Variants in RBL2 observed in about 807,000 individuals in gnomAD.
RBL2 encodes RB transcriptional corepressor like 2, also known as retinoblastoma-like protein 2.
RBL2 carries 56 observed loss-of-function variants against 126.0 expected under a neutral mutation model. That is an observed-to-expected ratio of 0.44 (90% CI 0.36 to 0.56). RBL2 has a LOEUF of 0.56. Among genes scored for constraint, RBL2 ranks in the 20% least tolerant of loss-of-function variants. RBL2 has a pLI of 0.00. For missense variants in RBL2, 1,229 were observed against 1,398.2 expected, an observed-to-expected ratio of 0.88 and a Z score of 1.93; for synonymous variants, 454 against 478.5, an observed-to-expected ratio of 0.95 and a Z score of 0.67.
rs1287967164 is a variant in RBL2 at position 53,453,700 on chromosome 16, C to A, written c.928-5C>A. On this transcript the variant is annotated splice_polypyrimidine_tract_variant and splice_region_variant and intron_variant, in intron 6 of 21. Transcript: ENST00000262133. ...ACGACTTAAGGATCTCTTCTTTCAT[C>A]ATAGCTCCTTAAGGGAAAAGAAGAA... is the stretch of plus-strand genomic sequence containing the variant. 16 of 1,609,174 alleles carry A rather than the reference C, an allele frequency of 9.9e-6. No homozygotes were observed. In the South Asian group the frequency reaches 1.8e-4, roughly 18 times the overall value.
At position 53,444,562 on chromosome 16, in the gene RBL2, A is replaced by G. The variant is rs569190338; in HGVS notation, c.572+1704A>G. 2.8e-4 allele frequency among the ~76,000 whole-genome samples: 43 copies of G among 150,932 alleles called. 1 individual carries two copies. The South Asian group carries it at 9.0e-3, about 32-fold the overall frequency. ...AGCGAGACTCCATTTTAATAAATAA[A>G]TAAATAAATAAATAAATAAAATGAC... On this transcript the variant is annotated intron_variant, in intron 3 of 21. Coordinates refer to ENST00000262133, the MANE Select transcript of RBL2 (RefSeq NM_005611.4).
intron 9 of RBL2, among the ~76,000 whole-genome samples, chr16:53,461,311 G>A (rs1424010259): frequency 6.6e-6 from 1 of 152,124 alleles, no homozygotes; most frequent in Non-Finnish European, 1.5e-5. Context: ...TGGCCAACAT[G>A]GTGAAACCCC....
intron 5 of RBL2, 118 bp from the exon 6 acceptor site, chr16:53,453,334 C>A (rs923838476): frequency 1.1e-6 from 1 of 911,572 alleles, no homozygotes; most frequent in Admixed American, 2.5e-5. Context: ...TATACTGTTT[C>A]CTATACATTT....
At chr16:53,485,046 G>A (rs1342627747) in intron 21 of RBL2, among the ~76,000 whole-genome samples, 1 of 151,230 alleles carries the variant, frequency 6.6e-6, no homozygotes, top group African/African-American at 2.4e-5. Context: ...AACATAATTG[G>A]TACAACAAAT....
intron 5 of RBL2, 95 bp from the exon 6 acceptor site, chr16:53,453,357 G>T (rs1567731559): frequency 2.7e-6 from 3 of 1,127,606 alleles, no homozygotes; most frequent in African/African-American, 1.5e-5. Context: ...ATGCTAAGTG[G>T]TATACTGATT....
chr16:53,467,507 C>T (rs1417234417), intron 14 of RBL2, among the ~76,000 whole-genome samples: 1 of 152,156 alleles, frequency 6.6e-6, no homozygotes, highest in Non-Finnish European at 1.5e-5. Context: ...CATGCCTCAG[C>T]CTCCTGAGTA....
At chr16:53,457,277 T>TTTTTTTG (rs1213898728) in intron 8 of RBL2, among the ~76,000 whole-genome samples, 1 of 139,982 alleles carries the variant, frequency 7.1e-6, no homozygotes, top group Non-Finnish European at 1.6e-5. Context: ...TTTTTTTTTT[T>TTTTTTTG]GAGATGGAGT....
chr16:53,455,656 G>A (rs921054934), intron 8 of RBL2, among the ~76,000 whole-genome samples: 17 of 151,992 alleles, frequency 1.1e-4, no homozygotes, highest in African/African-American at 4.1e-4. Context: ...TTGAGGGGAG[G>A]GGAGAATGGG....
At position 53,460,094 on chromosome 16, in the gene RBL2, A is replaced by G. The variant is rs1161731399; in HGVS notation, c.1346+477A>G. ...TTTGTAAGCTCTATAAAACATCCTT[A>G]TCCTGGAAAGGAAGTTCACTGCATT... On this transcript the variant is annotated intron_variant, in intron 9 of 21. Transcript: ENST00000262133. 4.6e-5 allele frequency among the ~76,000 whole-genome samples: 7 copies of G among 152,332 alleles called. No individual in the cohort carries two copies. In the South Asian group the frequency reaches 1.2e-3, roughly 27 times the overall value.
At chr16:53,486,211 G>A (rs1304159582) in intron 21 of RBL2, among the ~76,000 whole-genome samples, 1 of 151,968 alleles carries the variant, frequency 6.6e-6, no homozygotes, top group East Asian at 1.9e-4. Context: ...TGAGGTGGGA[G>A]GGTTGCTAGA....
intron 1 of RBL2, among the ~76,000 whole-genome samples, chr16:53,436,813 A>G (rs371065281): frequency 6.6e-6 from 1 of 152,178 alleles, no homozygotes; most frequent in Non-Finnish European, 1.5e-5. Flanking sequence ...AACCAGATCT[A>G]TTTGACCCTA....
Position 53,470,494 on chromosome 16 carries a change from C to T in RBL2, c.2357C>T (p.Ala786Val). ...SIQPLSAQAL[A>V]GSLSSQQVTG... ...CAGCCCCTCAGTGCTCAGGCCCTGG[C>T]TGGAAGTCTGAGCTCTCAACAGGTG... is the stretch of plus-strand genomic sequence containing the variant. The change falls in exon 16 of 22, where the codon GCT (alanine) becomes GTT (valine). Residue 786 changes from alanine to valine, a missense_variant. This residue lies in a region of RBL2 where 1,070 missense variants were observed against 1,274.3 expected (regional missense o/e 0.84). Transcript: ENST00000262133. 1 of 1,614,152 alleles carries T rather than the reference C, an allele frequency of 6.2e-7. No homozygotes were observed. The highest frequency in any genetic ancestry group is 8.5e-7 in the Non-Finnish European group (1 of 1,180,040).
At chr16:53,448,062 A>G (rs2058079408) in intron 4 of RBL2, among the ~76,000 whole-genome samples, 1 of 152,256 alleles carries the variant, frequency 6.6e-6, no homozygotes, top group Admixed American at 6.5e-5. Flanking sequence ...AAGATGGCTC[A>G]ATAAAATGCA....
At chr16:53,455,124 T>C (rs1000865111) in intron 8 of RBL2, among the ~76,000 whole-genome samples, 6 of 152,230 alleles carry the variant, frequency 3.9e-5, no homozygotes, top group Non-Finnish European at 5.9e-5. Context: ...GCCAGTAATA[T>C]ATGGTCTTAT....
chr16:53,456,584 C>T (rs2058169569), intron 8 of RBL2, among the ~76,000 whole-genome samples: 1 of 152,170 alleles, frequency 6.6e-6, no homozygotes, highest in Non-Finnish European at 1.5e-5. Flanking sequence ...CTGACAAGTG[C>T]CTGTAATGTT....
At chr16:53,488,588 C>G (rs1961266983) in intron 21 of RBL2, 1 of 152,048 alleles carries the variant, frequency 6.6e-6, no homozygotes, top group Non-Finnish European at 1.5e-5. Flanking sequence ...GAGAATATTA[C>G]AAAGCAAGAA....
intron 13 of RBL2, chr16:53,465,879 CTT>C (rs891377750): frequency 3.8e-5 from 9 of 236,998 alleles, no homozygotes; most frequent in Admixed American, 5.7e-5. Flanking sequence ...AAATAAAAGA[CTT>C]ATATACAGGG....
chr16:53,434,720 G>C lies in RBL2; in HGVS notation c.164G>C (p.Arg55Pro), dbSNP rs755567048. The change falls in exon 1 of 22, where the codon CGC becomes CCC. Residue 55 changes from arginine (R) to proline (P), a missense_variant. Coordinates refer to ENST00000262133, the MANE Select transcript of RBL2 (RefSeq NM_005611.4). ...CAGCGGTTCGACGAGCTGTGCAGCCGCCTCAACATGGACGAGGCGGCGCGG... is the reference window on the plus strand; with the variant it reads ...CAGCGGTTCGACGAGCTGTGCAGCCCCCTCAACATGGACGAGGCGGCGCGG... Reference protein sequence around the residue: ...IQQRFDELCSRLNMDEAARAE... With the variant: ...IQQRFDELCSPLNMDEAARAE... 2 of 1,557,378 alleles carry C rather than the reference G, an allele frequency of 1.3e-6. No homozygotes were observed. Among genetic ancestry groups the C allele is most frequent in the East Asian group, 4.7e-5 (2 of 42,470 alleles).
rs181990817 is a variant in RBL2 at position 53,442,688 on chromosome 16, G to T, written c.402G>T (p.Lys134Asn). The part of the protein sequence containing the change: ...SLIEFFNKMK[K>N]WEDMANLPPH... ...TCGAATTTTTTAATAAGATGAAGAA[G>T]TGGGAAGACATGGCAAATCTACCCC... Residue 134 changes from lysine (K) to asparagine (N), a missense_variant, in exon 3 of 22, where the codon AAG becomes AAT. Transcript: ENST00000262133. The T allele has an allele frequency of 3.1e-6, 5 of 1,613,578 alleles. No individual in the cohort carries two copies. In the Admixed American group the frequency reaches 8.3e-5, roughly 27 times the overall value.
Sources: allele counts gnomAD v4.1 joint callset (sites outside exome capture counted in the v4.1 genomes callset), GRCh38; gene constraint gnomAD v4.1.1; regional missense constraint gnomAD v4.1.1; transcripts MANE v1.5; gene names NCBI Gene and HGNC (gene_info 2026-07-23, HGNC 2026-07-21).